Variants in DLGAP1 observed in about 807,000 individuals in gnomAD.
The protein encoded by DLGAP1 is disks large-associated protein 1.
DLGAP1 carries 11 observed loss-of-function variants against 90.8 expected under a neutral mutation model. The observed-to-expected ratio is 0.12, with a 90% CI of 0.08 to 0.20. The LOEUF (loss-of-function observed/expected upper bound fraction) is 0.20, where lower values mean the gene tolerates loss of function less well. DLGAP1 is among the 10% of genes least tolerant of loss of function. The pLI is 1.00. For missense variants in DLGAP1, 1,050 were observed against 1,333.8 expected (o/e 0.79, Z 3.31); for synonymous variants, 558 against 540.7 (o/e 1.03, Z -0.44).
chr18:3,498,961 G>A lies in DLGAP1; in HGVS notation c.*224C>T. ...AGGCAGGGCGACGGCATCAGGACAG[G>A]GGGCGAAGCTCGGTGAAGAAGGAGA... On this transcript the variant is annotated 3_prime_UTR_variant, in exon 13 of 13. Coordinates refer to ENST00000315677, the MANE Select transcript of DLGAP1 (RefSeq NM_004746.4). 1.8e-6 allele frequency: 1 copy of A among 557,804 alleles called. No individual in the cohort carries two copies. Among genetic ancestry groups the A allele is most frequent in the Non-Finnish European group, 3.1e-6 (1 of 319,096 alleles). The allele number at this position is 557,804 out of a possible 1,614,324, so 34.6% of individuals were successfully genotyped here. A position where few individuals can be genotyped will look rare whatever the true frequency, so the allele number is the denominator to read the frequency against.
chr18:3,612,638 T>C (rs1439102683), intron 7 of DLGAP1, among the ~76,000 whole-genome samples: 1 of 152,228 alleles, frequency 6.6e-6, no homozygotes, highest in African/African-American at 2.4e-5. Context: ...GTTCATTCGT[T>C]AGTGGAATCC....
At chr18:4,272,725 T>C (rs973383181) in intron 1 of DLGAP1, among the ~76,000 whole-genome samples, 9 of 152,232 alleles carry the variant, frequency 5.9e-5, no homozygotes, top group African/African-American at 2.2e-4. Flanking sequence ...TATAGTGGCC[T>C]ACATTGTATG....
At position 3,938,444 on chromosome 18, in the gene DLGAP1, G is replaced by A. The variant is rs1001215051; in HGVS notation, c.-72-58304C>T. ...CTGAGACTTAGATGTATGAGAGTGCGACGCATGTAGAAATCTGGGAAAGGG... is the reference window on the plus strand; with the variant it reads ...CTGAGACTTAGATGTATGAGAGTGCAACGCATGTAGAAATCTGGGAAAGGG... On this transcript the variant is annotated intron_variant, in intron 3 of 12. Coordinates refer to ENST00000315677, the MANE Select transcript of DLGAP1 (RefSeq NM_004746.4). 2.0e-5 allele frequency among the ~76,000 whole-genome samples: 3 copies of A among 152,092 alleles called. No homozygotes were observed. The East Asian group carries it at 5.8e-4, about 29-fold the overall frequency.
At chr18:4,003,271 A>G (rs918346706) in intron 3 of DLGAP1, among the ~76,000 whole-genome samples, 1 of 152,136 alleles carries the variant, frequency 6.6e-6, no homozygotes, top group East Asian at 1.9e-4. Context: ...GGAAGGTGCC[A>G]TGGAATTGGC....
intron 3 of DLGAP1, among the ~76,000 whole-genome samples, chr18:3,926,937 G>A (rs911433176): frequency 2.6e-5 from 4 of 152,072 alleles, no homozygotes; most frequent in African/African-American, 9.7e-5. Context: ...AAATGATGGG[G>A]ACATATCAAA....
chr18:3,727,976 A>G lies in DLGAP1; in HGVS notation c.1591+1159T>C, dbSNP rs2062247166. The G allele has an allele frequency of 6.6e-6, 1 of 152,068 alleles. No individual in the cohort carries two copies. The highest frequency in any genetic ancestry group is 2.4e-5 in the African/African-American group (1 of 41,410). 9.4% of individuals were successfully genotyped at this position (152,068 alleles called of 1,614,324 possible). A position where few individuals can be genotyped will look rare whatever the true frequency, so the allele number is the denominator to read the frequency against. On this transcript the variant is annotated intron_variant, in intron 7 of 12. Transcript: ENST00000315677. The surrounding 1 kb of genome is among the most constrained non-coding windows in gnomAD (Gnocchi z 4.7). ...AATGAACTCCTCTTGTTTAACCCAT[A>G]TATTTATTTTAAATAAAATTATCAC...
chr18:4,442,149 G>A (rs980229767), intron 1 of DLGAP1, among the ~76,000 whole-genome samples: 1 of 152,044 alleles, frequency 6.6e-6, no homozygotes, highest in Non-Finnish European at 1.5e-5. Context: ...ACGCCACCAT[G>A]CCGGGATATT....
rs533041592 is a variant in DLGAP1 at position 4,089,817 on chromosome 18, G to A, written c.-159+61363C>T. 2.9e-4 allele frequency among the ~76,000 whole-genome samples: 44 copies of A among 152,254 alleles called. 1 individual carries two copies. The highest frequency in any genetic ancestry group is 1.9e-3 in the East Asian group (10 of 5,166). On this transcript the variant is annotated intron_variant, in intron 2 of 12. Transcript: ENST00000315677. The stretch of plus-strand genomic sequence containing the variant: ...TCCCAGCACTTTGGGAGGCCGAGGC[G>A]GGCGGATCACGAGGTCAGGAGATCG...
chr18:4,396,623 G>A (rs1021911572), intron 1 of DLGAP1, among the ~76,000 whole-genome samples: 1 of 152,166 alleles, frequency 6.6e-6, no homozygotes, highest in Admixed American at 6.6e-5. Context: ...TCCCTCTCAA[G>A]AGCAATTTGG....
intron 3 of DLGAP1, among the ~76,000 whole-genome samples, chr18:3,907,350 C>T (rs969458177): frequency 9.2e-5 from 14 of 152,162 alleles, no homozygotes; most frequent in African/African-American, 1.4e-4. Context: ...TATAAAACAA[C>T]GTATAAATAA....
intron 5 of DLGAP1, among the ~76,000 whole-genome samples, chr18:3,796,163 G>A (rs6506136): frequency 0.32 from 35,115 of 111,268 alleles, 4,615 homozygotes; most frequent in East Asian, 0.6. Flanking sequence ...CAGACATAGA[G>A]AGAGAGAAAT....
intron 1 of DLGAP1, among the ~76,000 whole-genome samples, chr18:4,298,262 T>C (rs2080034197): frequency 6.6e-6 from 1 of 152,110 alleles, no homozygotes; most frequent in Non-Finnish European, 1.5e-5. Context: ...TGTGTTTGCT[T>C]GAAAGAAAAT....
intron 4 of DLGAP1, among the ~76,000 whole-genome samples, chr18:3,836,065 C>T (rs2068362476): frequency 6.6e-6 from 1 of 152,170 alleles, no homozygotes; most frequent in Non-Finnish European, 1.5e-5. Context: ...CATACGATTC[C>T]ACAGAGTTCA....
In DLGAP1 at chr18:4,317,951, G is replaced by T. The variant is rs562912680; in HGVS notation, c.-267+137055C>A. Among the ~76,000 whole-genome samples the T allele has an allele frequency of 1.9e-4, 29 of 152,198 alleles. No homozygotes were observed. The South Asian group carries it at 4.1e-3, about 22-fold the overall frequency. On this transcript the variant is annotated intron_variant, in intron 1 of 12. Transcript: ENST00000315677. ...CAACCTCCGCCTCGTGGGTTCAAAC[G>T]ATTCTCCGGCCTCAGCCTCCTGAGT...
chr18:4,309,307 C>G (rs2080340404), intron 1 of DLGAP1, among the ~76,000 whole-genome samples: 3 of 152,160 alleles, frequency 2.0e-5, no homozygotes, highest in Admixed American at 1.3e-4. Flanking sequence ...AGCAATAGCA[C>G]TAAATATATG....
At chr18:4,279,749 C>G (rs541580790) in intron 1 of DLGAP1, among the ~76,000 whole-genome samples, 2 of 152,228 alleles carry the variant, frequency 1.3e-5, no homozygotes, top group Non-Finnish European at 2.9e-5. Flanking sequence ...AATTTACTAA[C>G]AGAAATCATT....
intron 1 of DLGAP1, among the ~76,000 whole-genome samples, chr18:4,361,880 C>G (rs984157677): frequency 2.0e-5 from 3 of 152,032 alleles, no homozygotes; most frequent in Admixed American, 6.6e-5. Context: ...TCCTAAAATT[C>G]AACAGCTAAA....
chr18:4,438,450 A>G (rs2083454761), intron 1 of DLGAP1, among the ~76,000 whole-genome samples: 1 of 150,760 alleles, frequency 6.6e-6, no homozygotes, highest in Admixed American at 6.6e-5. Flanking sequence ...AAAAAAAAAA[A>G]AAAAGAAATC....
At chr18:4,151,085 T>C (rs906136038) in intron 2 of DLGAP1, 95 bp downstream of exon 2, 1 of 152,240 alleles carries the variant, frequency 6.6e-6, no homozygotes, top group Non-Finnish European at 1.5e-5. Flanking sequence ...TATACCATGC[T>C]ATTAAAAAAT....
Sources: allele counts gnomAD v4.1 joint callset (sites outside exome capture counted in the v4.1 genomes callset), GRCh38; gene constraint gnomAD v4.1.1; non-coding constraint Gnocchi (gnomAD v3.1); transcripts MANE v1.5; gene names NCBI Gene and HGNC (gene_info 2026-07-23, HGNC 2026-07-21).